Variants in GABRG3 observed in about 807,000 individuals in gnomAD.
GABRG3 encodes the protein gamma-aminobutyric acid type A receptor subunit gamma3.
GABRG3 carries 25 observed loss-of-function variants against 48.8 expected under a neutral mutation model. The observed-to-expected ratio is 0.51, with a 90% CI of 0.37 to 0.72. GABRG3 has a LOEUF of 0.72. GABRG3 is among the 30% of genes least tolerant of loss of function. The pLI is 0.00. For missense variants in GABRG3, 394 were observed against 577.9 expected, an observed-to-expected ratio of 0.68 and a Z score of 3.26; for synonymous variants, 227 against 217.6, an observed-to-expected ratio of 1.04 and a Z score of -0.38.
chr15:27,393,591 T>C (rs1258100272), intron 5 of GABRG3, among the ~76,000 whole-genome samples: 1 of 152,236 alleles, frequency 6.6e-6, no homozygotes, highest in African/African-American at 2.4e-5. Flanking sequence ...TCCTCCCTTG[T>C]TTATCTGTAA....
chr15:27,063,425 C>T (rs577596373), intron 3 of GABRG3, among the ~76,000 whole-genome samples: 6 of 152,320 alleles, frequency 3.9e-5, no homozygotes, highest in African/African-American at 9.6e-5. Context: ...GGATCCCTCA[C>T]GAACGGCTTG....
At chr15:27,044,559 C>T (rs944286522) in intron 3 of GABRG3, among the ~76,000 whole-genome samples, 2 of 151,966 alleles carry the variant, frequency 1.3e-5, no homozygotes, top group African/African-American at 4.8e-5. Context: ...AAAGCAAAAC[C>T]TTTTAATACA....
chr15:27,081,902 G>T (rs539576711), intron 3 of GABRG3, among the ~76,000 whole-genome samples: 2 of 152,300 alleles, frequency 1.3e-5, no homozygotes, highest in Admixed American at 1.3e-4. Flanking sequence ...CCCTCCAGTG[G>T]CTGTTAACAG....
At chr15:27,510,717 A>T (rs73369578) in intron 6 of GABRG3, among the ~76,000 whole-genome samples, 15,890 of 152,184 alleles carry the variant, frequency 0.1, 1,955 homozygotes, top group African/African-American at 0.3. Flanking sequence ...AGCACCTCAT[A>T]TGTAGACAAT....
intron 3 of GABRG3, among the ~76,000 whole-genome samples, chr15:27,316,346 C>T (rs1893220022): frequency 1.4e-5 from 2 of 145,796 alleles, no homozygotes; most frequent in South Asian, 4.3e-4. Flanking sequence ...CGAGATCCCG[C>T]CACTGCACTC....
At chr15:27,251,662 T>A (rs1890459058) in intron 3 of GABRG3, among the ~76,000 whole-genome samples, 1 of 152,204 alleles carries the variant, frequency 6.6e-6, no homozygotes, top group Non-Finnish European at 1.5e-5. Flanking sequence ...TTCTTCACAA[T>A]GCAAGCATTT....
chr15:27,147,823 C>T lies in GABRG3; in HGVS notation c.270+121002C>T, dbSNP rs1898237452. Among the ~76,000 whole-genome samples, 2 of 151,932 alleles carry T rather than the reference C, an allele frequency of 1.3e-5. 1 individual carries two copies. The highest frequency in any genetic ancestry group is 4.1e-4 in the South Asian group (2 of 4,830). On this transcript the variant is annotated intron_variant, in intron 3 of 9. Coordinates refer to ENST00000615808, the MANE Select transcript of GABRG3 (RefSeq NM_033223.5). ...TAGAACTTATGAGATGCTGCAACAG[C>T]AGTGCTTCATAAATAGATAGCTGCA...
chr15:27,302,871 A>G (rs1010967070), intron 3 of GABRG3, among the ~76,000 whole-genome samples: 2 of 152,014 alleles, frequency 1.3e-5, no homozygotes, highest in African/African-American at 4.8e-5. Context: ...ATACCTTTAA[A>G]TATGCCGTGG....
chr15:27,297,978 T>A (rs974115545), intron 3 of GABRG3, among the ~76,000 whole-genome samples: 32 of 108,224 alleles, frequency 3.0e-4, no homozygotes, highest in East Asian at 7.9e-4. Context: ...ATAATTTTTT[T>A]AATAAATTAA....
At chr15:27,386,314 T>C (rs1895918970) in intron 5 of GABRG3, among the ~76,000 whole-genome samples, 1 of 152,190 alleles carries the variant, frequency 6.6e-6, no homozygotes, top group African/African-American at 2.4e-5. Context: ...CCTGTGTTCA[T>C]CCAGGGACTT....
chr15:27,275,400 A>G (rs1304679009), intron 3 of GABRG3, among the ~76,000 whole-genome samples: 1 of 152,218 alleles, frequency 6.6e-6, no homozygotes, highest in East Asian at 1.9e-4. Context: ...TACTTTAAAT[A>G]TTGTAAAATA....
Position 27,187,669 on chromosome 15 carries a change from A to G in GABRG3, c.271-139140A>G, listed in dbSNP as rs117377823. ...TGGATATTTTATTCTTTTTGTAGCT[A>G]TTGTAAATGGGATTGTGTTATTGAT... is the stretch of plus-strand genomic sequence containing the variant. On this transcript the variant is annotated intron_variant, in intron 3 of 9. Transcript: ENST00000615808. Among the ~76,000 whole-genome samples the G allele has an allele frequency of 4.0e-3, 602 of 152,146 alleles. 7 individuals carry two copies. The highest frequency in any genetic ancestry group is 0.028 in the Admixed American group (426 of 15,272).
chr15:27,120,506 C>A (rs544767063), intron 3 of GABRG3, among the ~76,000 whole-genome samples: 1 of 152,212 alleles, frequency 6.6e-6, no homozygotes, highest in Non-Finnish European at 1.5e-5. Context: ...TTGCTTTTGC[C>A]AGTGATTGTA....
intron 3 of GABRG3, among the ~76,000 whole-genome samples, chr15:27,294,684 T>A (rs986775961): frequency 6.6e-6 from 1 of 152,110 alleles, no homozygotes; most frequent in Non-Finnish European, 1.5e-5. Flanking sequence ...AATCTAGCAC[T>A]GTGGAGGGTG....
At chr15:27,212,108 A>G (rs1193862461) in intron 3 of GABRG3, among the ~76,000 whole-genome samples, 1 of 152,196 alleles carries the variant, frequency 6.6e-6, no homozygotes. Context: ...TATAAACTGC[A>G]GTTGTTTTCA....
chr15:27,001,074 A>G (rs1895438092), intron 2 of GABRG3, among the ~76,000 whole-genome samples: 1 of 152,218 alleles, frequency 6.6e-6, no homozygotes, highest in East Asian at 1.9e-4. Flanking sequence ...CACGAGCCAT[A>G]GGCTAGAAAC....
intron 3 of GABRG3, among the ~76,000 whole-genome samples, chr15:27,316,982 C>T (rs1239253412): frequency 2.0e-5 from 3 of 152,168 alleles, no homozygotes; most frequent in Admixed American, 6.5e-5. Flanking sequence ...TACAGAAAAA[C>T]CTTCTCACTT....
chr15:27,242,121 A>C (rs899427910), intron 3 of GABRG3, among the ~76,000 whole-genome samples: 1 of 152,178 alleles, frequency 6.6e-6, no homozygotes, highest in Non-Finnish European at 1.5e-5. Flanking sequence ...CAACTGCTGC[A>C]CCAGCATTTC....
chr15:27,053,221 T>C (rs184275677), intron 3 of GABRG3, among the ~76,000 whole-genome samples: 3 of 152,222 alleles, frequency 2.0e-5, no homozygotes, highest in Admixed American at 1.3e-4. Flanking sequence ...ACCCACAGAA[T>C]GGGAGAAAAT....
Sources: allele counts gnomAD v4.1 joint callset (sites outside exome capture counted in the v4.1 genomes callset), GRCh38; gene constraint gnomAD v4.1.1; transcripts MANE v1.5; gene names NCBI Gene and HGNC (gene_info 2026-07-23, HGNC 2026-07-21).